The following LRRC4C variants were observed in gnomAD, a reference collection of about 807,000 sequenced individuals.
The protein encoded by LRRC4C is leucine rich repeat containing 4C.
In LRRC4C, 5 loss-of-function variants were observed where a neutral mutation model predicts 33.6. That is an observed-to-expected ratio of 0.15 (90% CI 0.08 to 0.31). LRRC4C has a LOEUF of 0.31. Among genes scored for constraint, LRRC4C ranks in the 10% least tolerant of loss-of-function variants. The pLI, the probability that LRRC4C is intolerant of heterozygous loss-of-function variation, is 1.00. For missense variants in LRRC4C, 560 were observed against 796.7 expected (o/e 0.70, Z 3.58); for synonymous variants, 329 against 302.0 (o/e 1.09, Z -0.93).
intron 2 of LRRC4C, among the ~76,000 whole-genome samples, chr11:40,689,925 A>C (rs775179159): frequency 6.6e-6 from 1 of 152,130 alleles, no homozygotes; most frequent in Non-Finnish European, 1.5e-5. Flanking sequence ...TTTGGAACTT[A>C]TGTAACAATT....
chr11:40,274,420 CACAT>C (rs1250508519), intron 4 of LRRC4C, among the ~76,000 whole-genome samples: 87 of 125,788 alleles, frequency 6.9e-4, no homozygotes, highest in Middle Eastern at 3.7e-3. Context: ...AATAGACACA[CACAT>C]ACACACACAC....
intron 1 of LRRC4C, among the ~76,000 whole-genome samples, chr11:41,339,396 TA>T (rs1951558628): frequency 6.6e-6 from 1 of 152,156 alleles, no homozygotes; most frequent in African/African-American, 2.4e-5. Context: ...CCTGAAGACA[TA>T]ACTTTCATGT....
chr11:41,038,064 A>G (rs1857207555), intron 1 of LRRC4C, among the ~76,000 whole-genome samples: 1 of 152,220 alleles, frequency 6.6e-6, no homozygotes. Context: ...CTACGAGACA[A>G]TCTAAAAACA....
intron 2 of LRRC4C, among the ~76,000 whole-genome samples, chr11:40,898,993 A>C (rs1324259681): frequency 2.0e-5 from 3 of 152,146 alleles, no homozygotes; most frequent in Admixed American, 2.0e-4. Context: ...GAAGTTATTG[A>C]ATTTTGACCA....
chr11:41,139,971 C>G (rs890311349), intron 1 of LRRC4C, among the ~76,000 whole-genome samples: 1 of 152,078 alleles, frequency 6.6e-6, no homozygotes, highest in Non-Finnish European at 1.5e-5. Context: ...ATAAGATAGC[C>G]CTTTGGCCAT....
At chr11:40,783,938 CTACTT>C (rs1188844255) in intron 2 of LRRC4C, among the ~76,000 whole-genome samples, 2 of 152,146 alleles carry the variant, frequency 1.3e-5, no homozygotes, top group East Asian at 3.9e-4. Flanking sequence ...AAGCAAGCTA[CTACTT>C]TAAAGTGCAA....
chr11:40,886,450 C>G (rs1323229733), intron 2 of LRRC4C, among the ~76,000 whole-genome samples: 1 of 151,340 alleles, frequency 6.6e-6, no homozygotes, highest in East Asian at 2.0e-4. Flanking sequence ...CACACTCTCA[C>G]AAACCTCACA....
At chr11:41,194,158 G>T (rs188397216) in intron 1 of LRRC4C, among the ~76,000 whole-genome samples, 1 of 152,032 alleles carries the variant, frequency 6.6e-6, no homozygotes, top group African/African-American at 2.4e-5. Context: ...GTTTTCTCCA[G>T]GTTCCTTTAT....
intron 4 of LRRC4C, among the ~76,000 whole-genome samples, chr11:40,242,379 T>C (rs1435039262): frequency 6.6e-6 from 1 of 152,204 alleles, no homozygotes; most frequent in African/African-American, 2.4e-5. Context: ...GTTTATTTTT[T>C]AAATGAGTTT....
At chr11:41,132,532 C>A (rs1943062918) in intron 1 of LRRC4C, among the ~76,000 whole-genome samples, 1 of 151,892 alleles carries the variant, frequency 6.6e-6, no homozygotes, top group South Asian at 2.1e-4. Flanking sequence ...CTGATAATGA[C>A]AAGTGAAATA....
At chr11:40,735,368 G>A in intron 2 of LRRC4C, among the ~76,000 whole-genome samples, 1 of 144,904 alleles carries the variant, frequency 6.9e-6, no homozygotes, top group East Asian at 2.0e-4. Context: ...GTGTCCATGT[G>A]TTCTCATTGT....
At chr11:40,269,151 A>T (rs1942501596) in intron 4 of LRRC4C, among the ~76,000 whole-genome samples, 1 of 152,116 alleles carries the variant, frequency 6.6e-6, no homozygotes, top group East Asian at 1.9e-4. Flanking sequence ...ACCCAGCTGT[A>T]CTCCTCATGC....
chr11:40,942,109 C>T (rs1254207329), intron 1 of LRRC4C, among the ~76,000 whole-genome samples: 1 of 152,062 alleles, frequency 6.6e-6, no homozygotes, highest in Non-Finnish European at 1.5e-5. Context: ...AGAGAGAGTC[C>T]AGTCCTGCAG....
chr11:41,114,368 C>G (rs1942006867), intron 1 of LRRC4C, among the ~76,000 whole-genome samples: 1 of 152,010 alleles, frequency 6.6e-6, no homozygotes, highest in African/African-American at 2.4e-5. Context: ...AAAACCTTCC[C>G]TCTTATGTAT....
At chr11:40,637,200 C>T (rs1243114664) in intron 3 of LRRC4C, among the ~76,000 whole-genome samples, 15 of 152,168 alleles carry the variant, frequency 9.9e-5, no homozygotes, top group Admixed American at 9.8e-4. Context: ...TCTTGGGCAA[C>T]TCTACCACAC....
At chr11:40,922,565 A>G (rs1363821560) in intron 2 of LRRC4C, among the ~76,000 whole-genome samples, 2 of 152,152 alleles carry the variant, frequency 1.3e-5, no homozygotes, top group Non-Finnish European at 2.9e-5. Context: ...GTGGTAAAAG[A>G]TGTGATTCGT....
At chr11:40,162,674 G>T (rs1004991561) in intron 5 of LRRC4C, among the ~76,000 whole-genome samples, 3 of 152,118 alleles carry the variant, frequency 2.0e-5, no homozygotes, top group Non-Finnish European at 4.4e-5. Flanking sequence ...GTGTTTATTA[G>T]GGCCAAGTAC....
chr11:41,064,790 G>GAA (rs1938089115), intron 1 of LRRC4C, among the ~76,000 whole-genome samples: 1 of 152,180 alleles, frequency 6.6e-6, no homozygotes, highest in African/African-American at 2.4e-5. Flanking sequence ...AGCAGGGTGG[G>GAA]GCATTGCTTC....
intron 2 of LRRC4C, among the ~76,000 whole-genome samples, chr11:40,872,182 A>G (rs1954683183): frequency 6.6e-6 from 1 of 152,150 alleles, no homozygotes; most frequent in African/African-American, 2.4e-5. Context: ...GGGACACTGT[A>G]GATACCCATG....
Sources: gnomAD v4.1 joint callset for allele counts (sites outside exome capture counted in the v4.1 genomes callset) on GRCh38, gnomAD v4.1.1 for gene constraint, MANE v1.5 for transcripts, NCBI Gene and HGNC (gene_info 2026-07-23, HGNC 2026-07-21) for gene names.